BANP: variants seen among roughly 807,000 people sequenced by gnomAD.
BANP encodes the protein BTG3 associated nuclear protein, also known as protein BANP.
In BANP, 11 loss-of-function variants were observed where a neutral mutation model predicts 68.1. The ratio of observed to expected loss-of-function variants is 0.16; its 90% CI spans 0.10 to 0.27. BANP has a LOEUF of 0.27. Among genes scored for constraint, BANP ranks in the 10% least tolerant of loss-of-function variants. The pLI is 1.00. For missense variants in BANP, 504 were observed against 722.7 expected (o/e 0.70, Z 3.47); for synonymous variants, 329 against 303.2 (o/e 1.09, Z -0.88).
intron 13 of BANP, among the ~76,000 whole-genome samples, chr16:88,073,234 C>T (rs1010691569): frequency 1.3e-5 from 2 of 152,220 alleles, no homozygotes; most frequent in Non-Finnish European, 2.9e-5. Flanking sequence ...GTCCCTCAGC[C>T]GCGACAGCCG....
At chr16:88,048,570 G>A (rs943813703) in intron 11 of BANP, among the ~76,000 whole-genome samples, 15 of 152,056 alleles carry the variant, frequency 9.9e-5, no homozygotes, top group African/African-American at 2.9e-4. Context: ...GCTCACCACA[G>A]ATTAAAGAAA....
At chr16:88,007,263 T>C (rs116529788) in intron 6 of BANP, among the ~76,000 whole-genome samples, 2 of 152,196 alleles carry the variant, frequency 1.3e-5, no homozygotes, top group African/African-American at 2.4e-5. Flanking sequence ...TGGATCAGTG[T>C]CTGGACGTGG....
intron 2 of BANP, among the ~76,000 whole-genome samples, chr16:87,976,938 C>A (rs1027504071): frequency 6.6e-6 from 1 of 152,144 alleles, no homozygotes; most frequent in Non-Finnish European, 1.5e-5. Flanking sequence ...GAAAGTGTTC[C>A]AGTTACATCA....
intron 11 of BANP, among the ~76,000 whole-genome samples, chr16:88,061,393 C>G (rs2086743877): frequency 6.6e-6 from 1 of 152,224 alleles, no homozygotes; most frequent in African/African-American, 2.4e-5. Context: ...TGTGCTGTTT[C>G]TTTTTCTCCA....
At chr16:88,068,924 C>T (rs138669002) in intron 12 of BANP, among the ~76,000 whole-genome samples, 8 of 151,840 alleles carry the variant, frequency 5.3e-5, no homozygotes, top group Admixed American at 2.0e-4. Context: ...AGAGTCTCTG[C>T]GGCTGACAGG....
intron 13 of BANP, among the ~76,000 whole-genome samples, chr16:88,072,931 C>T (rs556508129): frequency 1.3e-5 from 2 of 152,386 alleles, no homozygotes; most frequent in African/African-American, 4.8e-5. Context: ...GGCTGCTGCC[C>T]AGCCCTTCTG....
chr16:87,973,764 A>AAAAAAAAAAAG (rs1412582874), intron 1 of BANP, among the ~76,000 whole-genome samples: 1 of 80,422 alleles, frequency 1.2e-5, no homozygotes. Context: ...AAAAAAAAAA[A>AAAAAAAAAAAG]AAAAAAAAAA....
intron 8 of BANP, among the ~76,000 whole-genome samples, chr16:88,030,846 A>T (rs1382663631): frequency 6.6e-6 from 1 of 152,218 alleles, no homozygotes; most frequent in Non-Finnish European, 1.5e-5. Flanking sequence ...GAAGCTGTCC[A>T]GGGACAGACT....
intron 13 of BANP, among the ~76,000 whole-genome samples, chr16:88,073,623 G>C (rs1339804996): frequency 6.6e-6 from 1 of 152,216 alleles, no homozygotes; most frequent in African/African-American, 2.4e-5. Context: ...ACCTTGGCCT[G>C]TCCGTGAAGA....
chr16:88,007,751 G>T (rs1598383098), intron 6 of BANP, among the ~76,000 whole-genome samples: 1 of 152,218 alleles, frequency 6.6e-6, no homozygotes, highest in East Asian at 1.9e-4. Flanking sequence ...CTGAAACATT[G>T]AAAACAATGT....
chr16:87,988,509 C>T (rs915645541), intron 4 of BANP, among the ~76,000 whole-genome samples: 1 of 152,114 alleles, frequency 6.6e-6, no homozygotes, highest in Non-Finnish European at 1.5e-5. Flanking sequence ...TCATGATCCA[C>T]CCGCCTCGGC....
At chr16:88,007,695 GT>G (rs1281762228) in intron 6 of BANP, among the ~76,000 whole-genome samples, 1 of 152,204 alleles carries the variant, frequency 6.6e-6, no homozygotes, top group African/African-American at 2.4e-5. Flanking sequence ...ATGTTGCTTT[GT>G]CTAGTGAACA....
intron 11 of BANP, among the ~76,000 whole-genome samples, chr16:88,041,386 G>C (rs1434980968): frequency 6.6e-6 from 1 of 152,196 alleles, no homozygotes; most frequent in Admixed American, 6.5e-5. Flanking sequence ...GTGTGACCCT[G>C]TGGCACCTGC....
intron 1 of BANP, among the ~76,000 whole-genome samples, chr16:87,967,650 C>CT (rs1423048051): frequency 7.8e-6 from 1 of 128,114 alleles, no homozygotes; most frequent in African/African-American, 3.0e-5. Context: ...GAGATGGAGT[C>CT]TCACTCTGTC....
intron 11 of BANP, among the ~76,000 whole-genome samples, chr16:88,049,188 G>A (rs2082691696): frequency 1.3e-5 from 2 of 152,154 alleles, no homozygotes; most frequent in African/African-American, 4.8e-5. Flanking sequence ...TTGCAAGTTC[G>A]GGCCTCAGAA....
intron 1 of BANP, among the ~76,000 whole-genome samples, chr16:87,967,254 C>CTTTTTTTTTT (rs573550962): frequency 9.3e-6 from 1 of 106,992 alleles, no homozygotes; most frequent in Non-Finnish European, 1.9e-5. Flanking sequence ...GGAAAAGGTT[C>CTTTTTTTTTT]TTTTTTTTTT....
intron 7 of BANP, among the ~76,000 whole-genome samples, chr16:88,020,100 C>T (rs1453624635): frequency 1.3e-5 from 2 of 152,202 alleles, no homozygotes; most frequent in Admixed American, 6.5e-5. Context: ...CACAGCTTCT[C>T]AGCGGTGGAG....
chr16:87,998,497 C>T (rs1284115655), intron 4 of BANP, among the ~76,000 whole-genome samples: 3 of 152,242 alleles, frequency 2.0e-5, no homozygotes, highest in Non-Finnish European at 2.9e-5. Context: ...GCTGCCGACC[C>T]GGCTCCTGAG....
intron 11 of BANP, among the ~76,000 whole-genome samples, chr16:88,047,448 C>G (rs537796125): frequency 6.6e-6 from 1 of 152,338 alleles, no homozygotes; most frequent in African/African-American, 2.4e-5. Context: ...TGGCCCCCTG[C>G]TTGGGTGTGC....
Sources: allele counts gnomAD v4.1 joint callset (sites outside exome capture counted in the v4.1 genomes callset), GRCh38; gene constraint gnomAD v4.1.1; transcripts MANE v1.5; gene names NCBI Gene and HGNC (gene_info 2026-07-23, HGNC 2026-07-21).